CPNE4: variants seen among roughly 807,000 people sequenced by gnomAD.
CPNE4 encodes copine-4.
In CPNE4, 25 loss-of-function variants were observed where a neutral mutation model predicts 67.9. The ratio of observed to expected loss-of-function variants is 0.37; its 90% CI spans 0.27 to 0.51. CPNE4 has a LOEUF of 0.51. CPNE4 is among the 20% of genes least tolerant of loss of function. The probability of loss-of-function intolerance (pLI) is 0.93; values close to 1 mark genes in which losing one functional copy is unlikely to be tolerated. For synonymous variants in CPNE4, 242 were observed against 244.9 expected (o/e 0.99, Z 0.11); for missense variants, 464 against 690.8 (o/e 0.67, Z 3.68).
At chr3:132,023,946 G>A (rs1270184683) in intron 1 of CPNE4, among the ~76,000 whole-genome samples, 3 of 152,162 alleles carry the variant, frequency 2.0e-5, no homozygotes. Context: ...TCAGAGTCTA[G>A]AAAAGATGTT....
chr3:131,931,582 T>C (rs1413073392), intron 1 of CPNE4, among the ~76,000 whole-genome samples: 1 of 152,088 alleles, frequency 6.6e-6, no homozygotes, highest in Non-Finnish European at 1.5e-5. Flanking sequence ...ATGATCACAA[T>C]TTTAAGAGAC....
At chr3:132,019,824 G>C (rs181886408) in intron 1 of CPNE4, among the ~76,000 whole-genome samples, 19 of 152,160 alleles carry the variant, frequency 1.2e-4, no homozygotes, top group Non-Finnish European at 2.4e-4. Context: ...AGGAACAAAG[G>C]CTGCCCTTCA....
chr3:131,696,158 T>C (rs560656042), intron 5 of CPNE4, among the ~76,000 whole-genome samples: 15 of 152,346 alleles, frequency 9.8e-5, no homozygotes, highest in African/African-American at 3.6e-4. Context: ...ATAAATGTGA[T>C]ACCACATAAA....
chr3:131,955,429 T>TTTTTTTTTTTTTTTTTC (rs57945572), intron 1 of CPNE4, among the ~76,000 whole-genome samples: 10 of 136,648 alleles, frequency 7.3e-5, no homozygotes, highest in African/African-American at 2.6e-4. Flanking sequence ...TTTTTTTTTT[T>TTTTTTTTTTTTTTTTTC]TTTTTGTATG....
In CPNE4 at chr3:131,723,428, G is replaced by C; in HGVS notation, c.360+18C>G. ...CCCTAGGATGGCAAGGAGGAGGAAG[G>C]GATGTCTGTTGACCCACCTGGCCAA... On this transcript the variant is annotated intron_variant, in intron 3 of 15. Transcript: ENST00000429747. The C allele has an allele frequency of 6.2e-7, 1 of 1,608,420 alleles. No homozygotes were observed. The highest frequency in any genetic ancestry group is 8.5e-7 in the Non-Finnish European group (1 of 1,176,948).
At chr3:131,587,409 T>C in intron 8 of CPNE4, 75 bp downstream of exon 8, 1 of 912,436 alleles carries the variant, frequency 1.1e-6, no homozygotes, top group Admixed American at 1.7e-5. Flanking sequence ...TGCCTCTTGC[T>C]GTTTCATTGG....
At chr3:131,782,871 G>A (rs1002182556) in intron 2 of CPNE4, among the ~76,000 whole-genome samples, 2 of 152,184 alleles carry the variant, frequency 1.3e-5, no homozygotes, top group Middle Eastern at 3.4e-3. Context: ...GAGGCTGCCA[G>A]GTGTTTGGCC....
At chr3:131,787,933 T>C (rs1173756175) in intron 2 of CPNE4, among the ~76,000 whole-genome samples, 3 of 152,084 alleles carry the variant, frequency 2.0e-5, no homozygotes, top group African/African-American at 7.2e-5. Context: ...AAAAGGACTG[T>C]CCAATATATC....
At chr3:131,848,958 A>AAAAAAAAAAAAC in intron 2 of CPNE4, among the ~76,000 whole-genome samples, 1 of 47,094 alleles carries the variant, frequency 2.1e-5, no homozygotes, top group African/African-American at 4.9e-5. Flanking sequence ...AGTGATTACA[A>AAAAAAAAAAAAC]AAAAAAAAAA....
At chr3:132,037,265 A>G (rs1264437141), upstream of CPNE4, among the ~76,000 whole-genome samples, 3 of 144,874 alleles carry the variant, frequency 2.1e-5, no homozygotes, top group Non-Finnish European at 3.0e-5. Flanking sequence ...TTAGAAACAA[A>G]CAGTTGCCTG....
chr3:131,906,034 C>T (rs983121928), intron 1 of CPNE4, among the ~76,000 whole-genome samples: 4 of 152,132 alleles, frequency 2.6e-5, no homozygotes, highest in Non-Finnish European at 5.9e-5. Flanking sequence ...TCTCACCTTT[C>T]CCTTTCCCAC....
rs567908257 is a variant in CPNE4, at chr3:131,830,898, A to AAAGGTAC, written c.180+74359_180+74365dup. On this transcript the variant is annotated intron_variant, in intron 2 of 15. Transcript: ENST00000429747. Reference sequence around the variant, plus strand: ...GTACAAGGTACCAGATAAAAGGTAAAAAGGTACAAGGTACAAAGATACAAG... The same window carrying AAAGGTAC: ...GTACAAGGTACCAGATAAAAGGTAAAAAGGTACAAGGTACAAGGTACAAAGATACAAG... Among the ~76,000 whole-genome samples, 79 of 152,284 alleles carry AAAGGTAC rather than the reference A, an allele frequency of 5.2e-4. No homozygotes were observed. In the South Asian group the frequency reaches 0.011, roughly 20 times the overall value.
chr3:131,966,804 A>T (rs1324129839), intron 1 of CPNE4, among the ~76,000 whole-genome samples: 1 of 152,222 alleles, frequency 6.6e-6, no homozygotes, highest in African/African-American at 2.4e-5. Flanking sequence ...CAGAGGTTCA[A>T]AGCAGAGCTG....
chr3:131,690,734 A>AC (rs2107687692), intron 5 of CPNE4, among the ~76,000 whole-genome samples: 1 of 152,068 alleles, frequency 6.6e-6, no homozygotes, highest in East Asian at 1.9e-4. Flanking sequence ...GCACAGTTAA[A>AC]AAAAAAACTA....
At chr3:131,726,837 C>T (rs773706444) in intron 2 of CPNE4, among the ~76,000 whole-genome samples, 4 of 152,032 alleles carry the variant, frequency 2.6e-5, no homozygotes, top group Non-Finnish European at 5.9e-5. Flanking sequence ...CTAGAGAATT[C>T]TGGTGTGGGA....
chr3:132,014,864 C>T (rs1160226101), intron 1 of CPNE4, among the ~76,000 whole-genome samples: 1 of 152,098 alleles, frequency 6.6e-6, no homozygotes, highest in Non-Finnish European at 1.5e-5. Context: ...AAAAAATTGA[C>T]TTTTGTTTAA....
Position 131,546,261 on chromosome 3 carries a change from G to A in CPNE4, c.1303-3468C>T, listed in dbSNP as rs80013647. ...GCACTAGGCTGTAGACTGCAGGATCGAAACCTGATAGAAATTTCCAATAAA... is the reference window on the plus strand; with the variant it reads ...GCACTAGGCTGTAGACTGCAGGATCAAAACCTGATAGAAATTTCCAATAAA... On this transcript the variant is annotated intron_variant, in intron 14 of 15. Coordinates refer to ENST00000429747, the MANE Select transcript of CPNE4 (RefSeq NM_130808.3). 6.1e-3 allele frequency among the ~76,000 whole-genome samples: 925 copies of A among 152,260 alleles called. 5 individuals are homozygous for A. Among genetic ancestry groups the A allele is most frequent in the Middle Eastern group, 0.017 (5 of 294 alleles).
In CPNE4 at chr3:131,813,994, G is replaced by A. The variant is rs181329840; in HGVS notation, c.181-90369C>T. ...TCTATCTGACTGACACACGGCAAGG[G>A]TCTAGGTAAAGGCATCAATTTTATA... On this transcript the variant is annotated intron_variant, in intron 2 of 15. Transcript: ENST00000429747. Among the ~76,000 whole-genome samples the A allele has an allele frequency of 5.9e-5, 9 of 152,268 alleles. No individual in the cohort carries two copies. In the East Asian group the frequency reaches 1.7e-3, roughly 29 times the overall value.
chr3:131,631,036 A>T (rs1311184987), intron 7 of CPNE4, among the ~76,000 whole-genome samples: 1 of 152,226 alleles, frequency 6.6e-6, no homozygotes, highest in Non-Finnish European at 1.5e-5. Flanking sequence ...GGGAATTAGC[A>T]TGAAATCTCA....
Sources: allele counts gnomAD v4.1 joint callset (sites outside exome capture counted in the v4.1 genomes callset), GRCh38; gene constraint gnomAD v4.1.1; transcripts MANE v1.5; gene names NCBI Gene and HGNC (gene_info 2026-07-23, HGNC 2026-07-21).